The following HIF1AN variants were observed in gnomAD, a reference collection of about 807,000 sequenced individuals.
HIF1AN encodes the protein hypoxia inducible factor 1 subunit alpha inhibitor.
Under a neutral mutation model 47.7 loss-of-function variants are expected in HIF1AN, and 21 were observed. The ratio of observed to expected loss-of-function variants is 0.44; its 90% confidence interval spans 0.31 to 0.63. The LOEUF is 0.63. HIF1AN is among the 30% of genes least tolerant of loss of function. The pLI is 0.07. For missense variants in HIF1AN, 320 were observed against 432.7 expected, an observed-to-expected ratio of 0.74 and a Z score of 2.31; for synonymous variants, 152 against 155.9, an observed-to-expected ratio of 0.98 and a Z score of 0.18.
At position 100,559,079 on chromosome 10, in the gene HIF1AN, CTG is replaced by C. The variant is rs1843237140; in HGVS notation, c.*10944_*10945del. The C allele has an allele frequency of 6.6e-6, 1 of 150,524 alleles. No homozygotes were observed. The highest frequency in any genetic ancestry group is 1.9e-4 in the East Asian group (1 of 5,170). 9.3% of individuals were successfully genotyped at this position (150,524 alleles called of 1,614,324 possible). On this transcript the variant is annotated 3_prime_UTR_variant, in exon 8 of 8. Coordinates refer to ENST00000299163, the MANE Select transcript of HIF1AN (RefSeq NM_017902.3). The stretch of plus-strand genomic sequence containing the variant: ...TTTTTTTTTGAGACGGAGTCTCACT[CTG>C]TTGCCCAGGCTGGAGTACAGTGGTA...
chr10:100,553,652 TC>T lies in HIF1AN; in HGVS notation c.*5516del, dbSNP rs1843187501. 1 of 152,228 alleles carries T rather than the reference TC, an allele frequency of 6.6e-6. No homozygotes were observed. The highest frequency in any genetic ancestry group is 2.1e-4 in the South Asian group (1 of 4,830). 9.4% of individuals were successfully genotyped at this position (152,228 alleles called of 1,614,324 possible). A position where few individuals can be genotyped will look rare whatever the true frequency, so the allele number is the denominator to read the frequency against. On this transcript the variant is annotated 3_prime_UTR_variant, in exon 8 of 8. Transcript: ENST00000299163. The stretch of plus-strand genomic sequence containing the variant: ...TCCTTTAACTTTCAATGGTAAACAA[TC>T]TAGGATAGTGTTTAAAGGCATGGAT...
chr10:100,540,194 A>G (rs1230753341), intron 2 of HIF1AN, among the ~76,000 whole-genome samples: 1 of 142,200 alleles, frequency 7.0e-6, no homozygotes, highest in African/African-American at 2.6e-5. Context: ...TTTTCATCTC[A>G]CCCTCCTACT....
Position 100,547,096 on chromosome 10 carries a change from G to A in HIF1AN, c.895-44G>A, listed in dbSNP as rs746909009. 3.6e-6 allele frequency: 5 copies of A among 1,370,250 alleles called. No individual in the cohort carries two copies. The East Asian group carries it at 7.0e-5, about 19-fold the overall frequency. 84.9% of individuals were successfully genotyped at this position (1,370,250 alleles called of 1,614,324 possible). On this transcript the variant is annotated intron_variant, in intron 6 of 7. Coordinates refer to ENST00000299163, the MANE Select transcript of HIF1AN (RefSeq NM_017902.3). ...CTAAGAACAGTAGAGTGACACTGAC[G>A]CCTGCTGCTAAAGGCATTTCCTGAG...
chr10:100,546,075 C>A, intron 5 of HIF1AN, 26 bp downstream of exon 5: 1 of 1,462,526 alleles, frequency 6.8e-7, no homozygotes, highest in Non-Finnish European at 9.5e-7. Context: ...GGGCTGGGGG[C>A]TTTTTGGGAG....
chr10:100,544,976 T>C lies in HIF1AN; in HGVS notation c.603T>C (p.Asp201=). Residue 201 remains aspartate (D), a synonymous_variant, in exon 4 of 8, where the codon GAT becomes GAC. Transcript: ENST00000299163. ...MEGNVTPAHY[D]EQQNFFAQIK... ...GAAATGTGACACCTGCTCACTATGA[T>C]GAGCAGCAGAACTTTTTTGCTCAGA... The C allele has an allele frequency of 6.2e-7, 1 of 1,614,256 alleles. No individual in the cohort carries two copies. Among genetic ancestry groups the C allele is most frequent in the Non-Finnish European group, 8.5e-7 (1 of 1,180,042 alleles).
Position 100,552,306 on chromosome 10 carries a change from G to A in HIF1AN, c.*4169G>A, listed in dbSNP as rs1457433679. The A allele has an allele frequency of 6.6e-6, 1 of 152,242 alleles. No homozygotes were observed. Among genetic ancestry groups the A allele is most frequent in the Non-Finnish European group, 1.5e-5 (1 of 68,066 alleles). The allele number at this position is 152,242 out of a possible 1,614,324, so 9.4% of individuals were successfully genotyped here. ...GGGAACTTCCCAAAAATGGGGCTGC[G>A]TCTCGCCTCTCAGTAGGTTCCCTAC... On this transcript the variant is annotated 3_prime_UTR_variant, in exon 8 of 8. Transcript: ENST00000299163.
At chr10:100,545,141 G>GTTCTA in intron 4 of HIF1AN, 45 bp downstream of exon 4, 1 of 1,586,876 alleles carries the variant, frequency 6.3e-7, no homozygotes, top group East Asian at 2.3e-5. Flanking sequence ...CTAGATTCTA[G>GTTCTA]TAATGCCTAG....
At chr10:100,541,716 C>T (rs1843035510) in intron 3 of HIF1AN, among the ~76,000 whole-genome samples, 1 of 152,130 alleles carries the variant, frequency 6.6e-6, no homozygotes, top group South Asian at 2.1e-4. Context: ...TCCCTTTTCC[C>T]TTCCTCAGCT....
At chr10:100,546,081 G>T in intron 5 of HIF1AN, 32 bp downstream of exon 5, 1 of 1,421,368 alleles carries the variant, frequency 7.0e-7, no homozygotes, top group Non-Finnish European at 9.9e-7. Context: ...GGGGCTTTTT[G>T]GGAGCTTTCT....
Position 100,548,562 on chromosome 10 carries a change from C to T in HIF1AN, c.*425C>T, listed in dbSNP as rs1843118856. On this transcript the variant is annotated 3_prime_UTR_variant, in exon 8 of 8. Transcript: ENST00000299163. ...CTCTCAGCCCTATCTCCTGCAACCT[C>T]AGTGCCTCAGCCTGAGAGAGAGATG... The T allele has an allele frequency of 6.2e-6, 1 of 161,230 alleles. No individual in the cohort carries two copies. The highest frequency in any genetic ancestry group is 5.9e-5 in the Admixed American group (1 of 16,892). The allele number at this position is 161,230 out of a possible 1,614,324, so 10.0% of individuals were successfully genotyped here.
At chr10:100,539,615 G>A (rs949645965) in intron 2 of HIF1AN, among the ~76,000 whole-genome samples, 2 of 152,242 alleles carry the variant, frequency 1.3e-5, no homozygotes, top group South Asian at 4.1e-4. Context: ...TGCCCCAGCA[G>A]CTACTATCTA....
intron 3 of HIF1AN, among the ~76,000 whole-genome samples, chr10:100,544,423 G>C (rs1843075237): frequency 6.6e-6 from 1 of 152,186 alleles, no homozygotes; most frequent in Non-Finnish European, 1.5e-5. Flanking sequence ...AAAAAAACAA[G>C]TATTGCATTC....
rs1399485903 is a variant in HIF1AN at position 100,548,744 on chromosome 10, T to C, written c.*607T>C. Reference sequence around the variant, plus strand: ...AATGGGGTGAAAGAGAGGGGAGGCTTGCCTTTGAGAGCCTATATAGCCTTC... The same window carrying C: ...AATGGGGTGAAAGAGAGGGGAGGCTCGCCTTTGAGAGCCTATATAGCCTTC... On this transcript the variant is annotated 3_prime_UTR_variant, in exon 8 of 8. Coordinates refer to ENST00000299163, the MANE Select transcript of HIF1AN (RefSeq NM_017902.3). 6.5e-6 allele frequency: 1 copy of C among 152,770 alleles called. No individual in the cohort carries two copies. The highest frequency in any genetic ancestry group is 1.5e-5 in the Non-Finnish European group (1 of 68,214). 9.5% of individuals were successfully genotyped at this position (152,770 alleles called of 1,614,324 possible).
chr10:100,559,441 CAG>C lies in HIF1AN; in HGVS notation c.*11305_*11306del, dbSNP rs1411006388. On this transcript the variant is annotated 3_prime_UTR_variant, in exon 8 of 8. Transcript: ENST00000299163. ...GTGAATAGTTTGCTCTTTTCTGAGA[CAG>C]GGCATTGCTTTTCGACGCAGGCTGG... 4.6e-5 allele frequency: 7 copies of C among 152,136 alleles called. No individual in the cohort carries two copies. Among genetic ancestry groups the C allele is most frequent in the Non-Finnish European group, 8.8e-5 (6 of 68,020 alleles). 9.4% of individuals were successfully genotyped at this position (152,136 alleles called of 1,614,324 possible). A position where few individuals can be genotyped will look rare whatever the true frequency, so the allele number is the denominator to read the frequency against.
intron 3 of HIF1AN, among the ~76,000 whole-genome samples, chr10:100,541,734 G>A (rs1302277372): frequency 6.6e-6 from 1 of 152,182 alleles, no homozygotes; most frequent in Non-Finnish European, 1.5e-5. Flanking sequence ...GCTGTTATGT[G>A]AGTGTGTATA....
Position 100,559,777 on chromosome 10 carries a change from T to C in HIF1AN, c.*11640T>C, listed in dbSNP as rs1263531485. On this transcript the variant is annotated 3_prime_UTR_variant, in exon 8 of 8. Transcript: ENST00000299163. ...TAAATTGTTTCTATATAACCCAAAG[T>C]CACTCTCATTGACATTAAGAAACTC... is the stretch of plus-strand genomic sequence containing the variant. 6.6e-6 allele frequency: 1 copy of C among 152,110 alleles called. No individual in the cohort carries two copies. Among genetic ancestry groups the C allele is most frequent in the Non-Finnish European group, 1.5e-5 (1 of 68,026 alleles). The allele number at this position is 152,110 out of a possible 1,614,324, so 9.4% of individuals were successfully genotyped here. A position where few individuals can be genotyped will look rare whatever the true frequency, so the allele number is the denominator to read the frequency against.
At chr10:100,544,922 T>G (rs756482683) in intron 3 of HIF1AN, 29 bp from the exon 4 acceptor site, 1 of 1,612,014 alleles carries the variant, frequency 6.2e-7, no homozygotes, top group East Asian at 2.2e-5. Context: ...ACCACTGCTC[T>G]GCATAAGAAA....
chr10:100,551,111 G>C lies in HIF1AN; in HGVS notation c.*2974G>C, dbSNP rs1233196942. 1.3e-5 allele frequency: 2 copies of C among 152,194 alleles called. No individual in the cohort carries two copies. Among genetic ancestry groups the C allele is most frequent in the Admixed American group, 6.5e-5 (1 of 15,276 alleles). 9.4% of individuals were successfully genotyped at this position (152,194 alleles called of 1,614,324 possible). ...TAGTGTTTTGTAAAGTCAAATATTT[G>C]TTGGGGGTTGGAGTTCTGGGGTTGG... On this transcript the variant is annotated 3_prime_UTR_variant, in exon 8 of 8. Coordinates refer to ENST00000299163, the MANE Select transcript of HIF1AN (RefSeq NM_017902.3).
At chr10:100,545,142 T>C (rs745368663) in intron 4 of HIF1AN, 46 bp downstream of exon 4, 1 of 1,585,562 alleles carries the variant, frequency 6.3e-7, no homozygotes, top group East Asian at 2.3e-5. Flanking sequence ...TAGATTCTAG[T>C]AATGCCTAGG....
Sources: allele counts gnomAD v4.1 joint callset (sites outside exome capture counted in the v4.1 genomes callset), GRCh38; gene constraint gnomAD v4.1.1; transcripts MANE v1.5; gene names NCBI Gene and HGNC (gene_info 2026-07-23, HGNC 2026-07-21).